The following MGAM2 variants were observed in gnomAD, a reference collection of about 807,000 sequenced individuals.
MGAM2 encodes maltase-glucoamylase 2 (putative), also known as probable maltase-glucoamylase 2.
Under a neutral mutation model 96.1 loss-of-function variants are expected in MGAM2, and 98 were observed. That is an observed-to-expected ratio of 1.02 (90% CI 0.87 to 1.21). The LOEUF is 1.21. MGAM2 is among the 50% of genes most tolerant of loss of function. MGAM2 has a pLI of 0.00. For synonymous variants in MGAM2, 749 were observed against 414.8 expected (o/e 1.81, Z -9.79); for missense variants, 2,055 against 1,182.4 (o/e 1.74, Z -10.82).
chr7:142,113,480 G>C (rs1218696031), intron 1 of MGAM2, among the ~76,000 whole-genome samples: 1 of 152,042 alleles, frequency 6.6e-6, no homozygotes, highest in Non-Finnish European at 1.5e-5. Context: ...CTGTTAACTG[G>C]CTGTGAGAAC....
At chr7:142,179,538 C>T (rs1796476192) in intron 32 of MGAM2, among the ~76,000 whole-genome samples, 4 of 152,034 alleles carry the variant, frequency 2.6e-5, no homozygotes, top group Admixed American at 2.0e-4. Context: ...CCCTTTGATG[C>T]CTAATTTCTT....
At position 142,165,018 on chromosome 7, in the gene MGAM2, A is replaced by G. The variant is rs1245281023; in HGVS notation, c.2647A>G (p.Thr883Ala). 2.9e-6 allele frequency: 2 copies of G among 699,290 alleles called. No individual in the cohort carries two copies. The highest frequency in any genetic ancestry group is 4.0e-5 in the Admixed American group (2 of 49,408). The allele number at this position is 699,290 out of a possible 1,614,324, so 43.3% of individuals were successfully genotyped here. A position where few individuals can be genotyped will look rare whatever the true frequency, so the allele number is the denominator to read the frequency against. The stretch of plus-strand genomic sequence containing the variant: ...TCCAAGCGTTGTCTACAATGCTTCC[A>G]CAAAGGTAAGAGATCCTTCCATTCT... ...SSPSVVYNAS[T>A]KVVTITDLQG... is the part of the protein sequence containing the mutation. The change falls in exon 24 of 48, where the codon ACA (threonine) becomes GCA (alanine). Residue 883 changes from threonine to alanine, a missense_variant. By Grantham distance (58) the Thr-to-Ala change is moderately conservative (BLOSUM62 0). Transcript: ENST00000477922.
At chr7:142,121,958 G>A (rs1164210139) in intron 3 of MGAM2, among the ~76,000 whole-genome samples, 2 of 152,060 alleles carry the variant, frequency 1.3e-5, no homozygotes, top group South Asian at 2.1e-4. Flanking sequence ...GGAAATTTGG[G>A]CAAAGTATCA....
intron 15 of MGAM2, among the ~76,000 whole-genome samples, chr7:142,152,992 CTTTTT>C (rs10559271): frequency 8.5e-6 from 1 of 117,104 alleles, no homozygotes; most frequent in African/African-American, 3.0e-5. Context: ...GCTTTTATTC[CTTTTT>C]TTTTTTTTTT....
At chr7:142,157,539 G>A (rs572155299) in intron 17 of MGAM2, among the ~76,000 whole-genome samples, 4 of 152,002 alleles carry the variant, frequency 2.6e-5, no homozygotes, top group African/African-American at 7.2e-5. Flanking sequence ...TTACAGGCAC[G>A]TGCCACCACA....
At chr7:142,113,583 T>A (rs1817249944) in intron 1 of MGAM2, among the ~76,000 whole-genome samples, 1 of 152,172 alleles carries the variant, frequency 6.6e-6, no homozygotes, top group African/African-American at 2.4e-5. Context: ...GAAGAACAGA[T>A]AATTTGGCCA....
chr7:142,184,960 G>A (rs1001964932), intron 33 of MGAM2, 117 bp from the exon 34 acceptor site: 70 of 516,356 alleles, frequency 1.4e-4, no homozygotes, highest in African/African-American at 1.2e-3. Flanking sequence ...TTAATTTATG[G>A]CAAAGATTCC....
At chr7:142,218,213 A>G (rs78649726) in intron 46 of MGAM2, 148 bp from the exon 47 acceptor site, 9 of 479,314 alleles carry the variant, frequency 1.9e-5, no homozygotes, top group Non-Finnish European at 3.3e-5. Context: ...ATGTATAATT[A>G]TTATGTATCA....
chr7:142,184,174 T>C (rs1796627575), intron 33 of MGAM2, among the ~76,000 whole-genome samples: 1 of 151,944 alleles, frequency 6.6e-6, no homozygotes, highest in Non-Finnish European at 1.5e-5. Flanking sequence ...GGTTTCACCA[T>C]GTTGGCCAGG....
chr7:142,146,023 T>C (rs928230108), intron 14 of MGAM2, among the ~76,000 whole-genome samples: 1 of 152,158 alleles, frequency 6.6e-6, no homozygotes, highest in African/African-American at 2.4e-5. Context: ...TAAATAATTT[T>C]TTGGAGGAAG....
chr7:142,187,583 C>T (rs1796737000), intron 35 of MGAM2, among the ~76,000 whole-genome samples, 167 bp from the exon 36 acceptor site: 1 of 152,146 alleles, frequency 6.6e-6, no homozygotes, highest in South Asian at 2.1e-4. Context: ...GATTACACTA[C>T]ACATTTTTAG....
Position 142,172,760 on chromosome 7 carries a change from C to T in MGAM2, c.3557C>T (p.Thr1186Ile), listed in dbSNP as rs1376747581. 1.4e-6 allele frequency: 1 copy of T among 700,352 alleles called. No homozygotes were observed. Among genetic ancestry groups the T allele is most frequent in the South Asian group, 1.5e-5 (1 of 66,960 alleles). 43.4% of individuals were successfully genotyped at this position (700,352 alleles called of 1,614,324 possible). A position where few individuals can be genotyped will look rare whatever the true frequency, so the allele number is the denominator to read the frequency against. Residue 1186 changes from threonine (T) to isoleucine (I), a missense_variant, in exon 30 of 48, where the codon ACA becomes ATA. By Grantham distance (89) the Thr-to-Ile change is moderately conservative. Coordinates refer to ENST00000477922, the MANE Select transcript of MGAM2 (RefSeq NM_001293626.2). ...PTPELVTQQYTELIGRPAMIP... is the reference protein window; with the variant it reads ...PTPELVTQQYIELIGRPAMIP... ...CCTGAACTTGTAACTCAGCAATACA[C>T]AGAGGTTAGAAGCCATTCTGTCCAT...
At position 142,218,481 on chromosome 7, in the gene MGAM2, G is replaced by C. The variant is rs1797830730; in HGVS notation, c.5308G>C (p.Asp1770His). Reference sequence around the variant, plus strand: ...TGTGACACAAGTCAGTTTCACCTATGACAACCGGCAATTTATGGAGACAAA... The same window carrying C: ...TGTGACACAAGTCAGTTTCACCTATCACAACCGGCAATTTATGGAGACAAA... ...TYVTQVSFTY[D>H]NRQFMETNFK... The change falls in exon 47 of 48, where the codon GAC becomes CAC. Residue 1770 changes from aspartate (D) to histidine (H), a missense_variant. Asp to His is a moderately conservative substitution (Grantham distance 81, BLOSUM62 -1). Coordinates refer to ENST00000477922, the MANE Select transcript of MGAM2 (RefSeq NM_001293626.2). The C allele has an allele frequency of 1.4e-6, 1 of 701,170 alleles. No homozygotes were observed. Among genetic ancestry groups the C allele is most frequent in the Admixed American group, 2.0e-5 (1 of 49,708 alleles). 43.4% of individuals were successfully genotyped at this position (701,170 alleles called of 1,614,324 possible). A position where few individuals can be genotyped will look rare whatever the true frequency, so the allele number is the denominator to read the frequency against.
At chr7:142,201,706 C>T (rs6464469) in intron 45 of MGAM2, among the ~76,000 whole-genome samples, 116,782 of 152,136 alleles carry the variant, frequency 0.77, 45,480 homozygotes, top group African/African-American at 0.91. Flanking sequence ...TTTCTTGTTA[C>T]TATTTTGTAA....
chr7:142,158,766 C>A (rs539375219), intron 19 of MGAM2, among the ~76,000 whole-genome samples: 6 of 152,100 alleles, frequency 3.9e-5, no homozygotes, highest in Non-Finnish European at 5.9e-5. Flanking sequence ...GCTCTGAAGT[C>A]CAACTATGAA....
At chr7:142,170,302 G>A in intron 27 of MGAM2, 73 bp downstream of exon 27, 2 of 603,706 alleles carry the variant, frequency 3.3e-6, no homozygotes, top group Non-Finnish European at 6.0e-6. Flanking sequence ...TAATTCAAGT[G>A]AAATATTAAT....
At chr7:142,186,182 TG>T in intron 35 of MGAM2, 59 bp downstream of exon 35, 1 of 683,498 alleles carries the variant, frequency 1.5e-6, no homozygotes, top group East Asian at 2.7e-5. Flanking sequence ...AGTCAAAACA[TG>T]GGGAGGAGAG....
chr7:142,123,450 C>T lies in MGAM2; in HGVS notation c.186+3069C>T, dbSNP rs1295391497. Among the ~76,000 whole-genome samples the T allele has an allele frequency of 2.0e-5, 3 of 152,236 alleles. No individual in the cohort carries two copies. The East Asian group carries it at 5.8e-4, about 29-fold the overall frequency. ...TTAGTAGTATACAGGAGTTCATTTG[C>T]TCTACATCCTAATCAACGCTTGGTG... is the stretch of plus-strand genomic sequence containing the variant. On this transcript the variant is annotated intron_variant, in intron 3 of 47. Coordinates refer to ENST00000477922, the MANE Select transcript of MGAM2 (RefSeq NM_001293626.2).
intron 17 of MGAM2, among the ~76,000 whole-genome samples, chr7:142,156,181 A>G (rs1034407962): frequency 6.6e-6 from 1 of 151,976 alleles, no homozygotes; most frequent in Non-Finnish European, 1.5e-5. Flanking sequence ...GTACAAAGAA[A>G]CAGGGACATT....
Sources: allele counts gnomAD v4.1 joint callset (sites outside exome capture counted in the v4.1 genomes callset), GRCh38; gene constraint gnomAD v4.1.1; transcripts MANE v1.5; gene names NCBI Gene and HGNC (gene_info 2026-07-23, HGNC 2026-07-21).